Variants in RALGPS2 observed in about 807,000 individuals in gnomAD.
RALGPS2 encodes ras-specific guanine nucleotide-releasing factor RalGPS2.
A neutral mutation model predicts 86.8 loss-of-function variants in RALGPS2; 43 were observed. That is an observed-to-expected ratio of 0.50 (90% CI 0.39 to 0.64). RALGPS2 has a LOEUF of 0.64. Among genes scored for constraint, RALGPS2 ranks in the 30% least tolerant of loss-of-function variants. The pLI is 0.00. For missense variants in RALGPS2, 536 were observed against 694.6 expected, an observed-to-expected ratio of 0.77 and a Z score of 2.57; for synonymous variants, 243 against 231.3, an observed-to-expected ratio of 1.05 and a Z score of -0.46.
chr1:178,805,771 C>G (rs962438562), intron 4 of RALGPS2, among the ~76,000 whole-genome samples: 3 of 152,126 alleles, frequency 2.0e-5, no homozygotes, highest in Admixed American at 6.6e-5. Flanking sequence ...TTTGCACATA[C>G]AGTTATATCA....
intron 8 of RALGPS2, among the ~76,000 whole-genome samples, chr1:178,851,885 TGGGTGGAG>T (rs1472980591): frequency 6.6e-6 from 1 of 152,014 alleles, no homozygotes; most frequent in Non-Finnish European, 1.5e-5. Context: ...GGAGAATTGT[TGGGTGGAG>T]GGGAGGAGGG....
chr1:178,780,443 G>A (rs2102117148), intron 2 of RALGPS2, among the ~76,000 whole-genome samples: 1 of 152,126 alleles, frequency 6.6e-6, no homozygotes, highest in Middle Eastern at 3.4e-3. Context: ...TGAAATTTAA[G>A]TTTAATATTC....
rs1659114237 is a variant in RALGPS2 at position 178,879,012 on chromosome 1, G to A, written c.836+20G>A. ...TTACAAGTAGGTTGGATCTTCAAAA[G>A]TGGTTTGTATAACTTTGTCCTGTCC... On this transcript the variant is annotated intron_variant, in intron 10 of 19. Transcript: ENST00000367635. 9 of 1,610,492 alleles carry A rather than the reference G, an allele frequency of 5.6e-6. No homozygotes were observed. The highest frequency in any genetic ancestry group is 5.3e-5 in the African/African-American group (4 of 74,804).
chr1:178,776,618 G>T, intron 1 of RALGPS2, 64 bp from the exon 2 acceptor site: 1 of 514,080 alleles, frequency 1.9e-6, no homozygotes, highest in Non-Finnish European at 3.4e-6. Context: ...CATGGTGGTA[G>T]GCATAGAGTT....
At chr1:178,747,255 T>C (rs1048646916) in intron 1 of RALGPS2, 2 of 1,506,940 alleles carry the variant, frequency 1.3e-6, no homozygotes, top group African/African-American at 2.8e-5. Context: ...TCTCTCACTT[T>C]AAACAAGAAA....
At chr1:178,904,326 C>G (rs1040436674) in intron 18 of RALGPS2, among the ~76,000 whole-genome samples, 10 of 152,282 alleles carry the variant, frequency 6.6e-5, no homozygotes, top group African/African-American at 1.9e-4. Context: ...CTGACTGTTG[C>G]TTTTGCTGTG....
chr1:178,745,929 C>G (rs1651300178), intron 1 of RALGPS2, among the ~76,000 whole-genome samples: 1 of 141,960 alleles, frequency 7.0e-6, no homozygotes, highest in Non-Finnish European at 1.5e-5. Flanking sequence ...TCAAGCAATT[C>G]TCCTGCCTCA....
In RALGPS2 at chr1:178,918,843, ATATAT is replaced by A. The variant is rs1188491551; in HGVS notation, c.*2487_*2491del. 5 of 152,108 alleles carry A rather than the reference ATATAT, an allele frequency of 3.3e-5. No individual in the cohort carries two copies. The highest frequency in any genetic ancestry group is 5.9e-5 in the Non-Finnish European group (4 of 67,956). 9.4% of individuals were successfully genotyped at this position (152,108 alleles called of 1,614,324 possible). A position where few individuals can be genotyped will look rare whatever the true frequency, so the allele number is the denominator to read the frequency against. On this transcript the variant is annotated 3_prime_UTR_variant, in exon 20 of 20. Coordinates refer to ENST00000367635, the MANE Select transcript of RALGPS2 (RefSeq NM_152663.5). ...AATTCAAAGAAAATATGTTACCAAA[ATATAT>A]TAAATATATAGGTAGTTCATTCGTG... is the stretch of plus-strand genomic sequence containing the variant.
intron 19 of RALGPS2, among the ~76,000 whole-genome samples, chr1:178,911,534 T>C (rs542686618): frequency 6.6e-6 from 1 of 152,210 alleles, no homozygotes; most frequent in Non-Finnish European, 1.5e-5. Context: ...AGAAAACTTC[T>C]TGGTATTGAT....
intron 16 of RALGPS2, chr1:178,894,294 T>C (rs1334843666): frequency 8.5e-6 from 2 of 234,960 alleles, no homozygotes; most frequent in East Asian, 1.7e-4. Context: ...ACCTTTTCTA[T>C]CTTAACTAAG....
chr1:178,784,143 T>G (rs41267574), intron 2 of RALGPS2, among the ~76,000 whole-genome samples: 13,534 of 152,140 alleles, frequency 0.089, 653 homozygotes, highest in African/African-American at 0.13. Flanking sequence ...AATCATTTAT[T>G]TCTATAGGAA....
chr1:178,753,594 G>A (rs1019584052), intron 1 of RALGPS2: 8 of 152,072 alleles, frequency 5.3e-5, no homozygotes, highest in Admixed American at 6.6e-5. Flanking sequence ...GGTAACAGTT[G>A]TACTTTTTCT....
intron 10 of RALGPS2, among the ~76,000 whole-genome samples, chr1:178,880,474 G>A (rs1184375386): frequency 6.6e-6 from 1 of 152,166 alleles, no homozygotes; most frequent in African/African-American, 2.4e-5. Context: ...GAAAATGTAT[G>A]AAGTCAATGA....
intron 2 of RALGPS2, among the ~76,000 whole-genome samples, chr1:178,782,021 A>G (rs1653415597): frequency 1.3e-5 from 2 of 152,140 alleles, no homozygotes; most frequent in Non-Finnish European, 2.9e-5. Flanking sequence ...TGTCCTCACA[A>G]TAGGAAAAAA....
At chr1:178,825,941 G>T (rs547006491) in intron 7 of RALGPS2, among the ~76,000 whole-genome samples, 2 of 152,268 alleles carry the variant, frequency 1.3e-5, no homozygotes, top group South Asian at 2.1e-4. Context: ...GGAAGAAATT[G>T]TGAAGAGTAA....
intron 4 of RALGPS2, among the ~76,000 whole-genome samples, chr1:178,801,503 A>G (rs1341714074): frequency 1.3e-5 from 2 of 152,160 alleles, no homozygotes; most frequent in Non-Finnish European, 1.5e-5. Context: ...AGACAAAAGT[A>G]TGGTGGATTG....
intron 10 of RALGPS2, among the ~76,000 whole-genome samples, chr1:178,883,105 TTAATG>T (rs1311968623): frequency 6.6e-6 from 1 of 152,188 alleles, no homozygotes; most frequent in Non-Finnish European, 1.5e-5. Flanking sequence ...ATACAACTTT[TTAATG>T]TATTTTCCCT....
chr1:178,907,839 T>C (rs1660451571), intron 19 of RALGPS2, among the ~76,000 whole-genome samples: 1 of 152,218 alleles, frequency 6.6e-6, no homozygotes, highest in African/African-American at 2.4e-5. Flanking sequence ...TCTTGATAAT[T>C]GAAACTAAGG....
intron 14 of RALGPS2, 139 bp from the exon 15 acceptor site, chr1:178,892,091 G>C (rs759968274): frequency 3.7e-5 from 30 of 815,884 alleles, no homozygotes; most frequent in Non-Finnish European, 4.9e-5. Context: ...AAAGAAAGAG[G>C]AACAATCACA....
Sources: gnomAD v4.1 joint callset for allele counts (sites outside exome capture counted in the v4.1 genomes callset) on GRCh38, gnomAD v4.1.1 for gene constraint, MANE v1.5 for transcripts, NCBI Gene and HGNC (gene_info 2026-07-23, HGNC 2026-07-21) for gene names.